CHCHD6: variants seen among roughly 807,000 people sequenced by gnomAD.
CHCHD6 encodes coiled-coil-helix-coiled-coil-helix domain containing 6, also known as MICOS complex subunit MIC25.
Under a neutral mutation model 32.3 loss-of-function variants are expected in CHCHD6, and 28 were observed. That is an observed-to-expected ratio of 0.87 (90% CI 0.64 to 1.19). The LOEUF (loss-of-function observed/expected upper bound fraction) is 1.19, where lower values mean the gene tolerates loss of function less well. Among genes scored for constraint, CHCHD6 ranks in the 50% most tolerant of loss-of-function variants. CHCHD6 has a pLI of 0.00. For synonymous variants in CHCHD6, 122 were observed against 117.5 expected (o/e 1.04, Z -0.25); for missense variants, 333 against 307.0 (o/e 1.08, Z -0.63).
chr3:126,925,351 G>C (rs772277852), intron 6 of CHCHD6, among the ~76,000 whole-genome samples: 20 of 152,312 alleles, frequency 1.3e-4, no homozygotes, highest in Admixed American at 5.2e-4. Context: ...CTCTGAGAAG[G>C]AAACATTGTC....
At chr3:126,933,173 CT>C (rs1240486182) in intron 6 of CHCHD6, among the ~76,000 whole-genome samples, 2 of 152,264 alleles carry the variant, frequency 1.3e-5, no homozygotes, top group Non-Finnish European at 2.9e-5. Context: ...AATGGAAGCC[CT>C]ACCTGCTTCC....
chr3:126,851,000 G>A (rs1941455691), intron 4 of CHCHD6, among the ~76,000 whole-genome samples: 1 of 152,170 alleles, frequency 6.6e-6, no homozygotes, highest in African/African-American at 2.4e-5. Context: ...CAGCTGCCTG[G>A]GGATCCAGGT....
At chr3:126,939,921 G>C (rs924098581) in intron 6 of CHCHD6, among the ~76,000 whole-genome samples, 1 of 152,154 alleles carries the variant, frequency 6.6e-6, no homozygotes, top group African/African-American at 2.4e-5. Flanking sequence ...GATGACGTGT[G>C]TGTGCATATA....
intron 4 of CHCHD6, among the ~76,000 whole-genome samples, chr3:126,792,253 A>G (rs547631319): frequency 2.6e-4 from 38 of 145,866 alleles, no homozygotes; most frequent in South Asian, 6.4e-4. Flanking sequence ...TATAGAATAT[A>G]TATTCTAATA....
At chr3:126,959,336 T>TG (rs2078829200) in intron 7 of CHCHD6, among the ~76,000 whole-genome samples, 1 of 152,238 alleles carries the variant, frequency 6.6e-6, no homozygotes, top group Admixed American at 6.5e-5. Context: ...CGTGCTGCCT[T>TG]GGCAGTGTGT....
At chr3:126,756,152 G>T (rs1488376156) in intron 4 of CHCHD6, among the ~76,000 whole-genome samples, 1 of 152,034 alleles carries the variant, frequency 6.6e-6, no homozygotes, top group East Asian at 1.9e-4. Flanking sequence ...CACTGTGGTC[G>T]TGATTCTTCA....
chr3:126,826,035 T>C (rs531489344), intron 4 of CHCHD6, among the ~76,000 whole-genome samples: 1 of 152,350 alleles, frequency 6.6e-6, no homozygotes, highest in East Asian at 1.9e-4. Context: ...TAGATTTTGG[T>C]AGACCTGCTA....
chr3:126,838,571 C>T (rs1381734949), intron 4 of CHCHD6, among the ~76,000 whole-genome samples: 2 of 152,188 alleles, frequency 1.3e-5, no homozygotes, highest in East Asian at 1.9e-4. Flanking sequence ...ATTGTGCCAA[C>T]CTCATGGAAT....
intron 6 of CHCHD6, among the ~76,000 whole-genome samples, chr3:126,918,482 CAATGTTTT>C (rs1420446485): frequency 6.6e-6 from 1 of 152,164 alleles, no homozygotes; most frequent in Non-Finnish European, 1.5e-5. Flanking sequence ...GAATGACAAA[CAATGTTTT>C]AAAATTAATT....
chr3:126,774,030 A>G (rs897518328), intron 4 of CHCHD6, among the ~76,000 whole-genome samples: 9 of 152,122 alleles, frequency 5.9e-5, no homozygotes, highest in Non-Finnish European at 7.4e-5. Flanking sequence ...TGATGATTTT[A>G]TATTTCTGTA....
chr3:126,824,391 G>A (rs1027397300), intron 4 of CHCHD6, among the ~76,000 whole-genome samples: 5 of 150,340 alleles, frequency 3.3e-5, no homozygotes, highest in South Asian at 2.1e-4. Context: ...GAGAAGCCCC[G>A]TCTCTGCTAA....
intron 6 of CHCHD6, among the ~76,000 whole-genome samples, chr3:126,956,155 A>G (rs1258274632): frequency 1.3e-5 from 2 of 152,158 alleles, no homozygotes; most frequent in African/African-American, 4.8e-5. Flanking sequence ...CTCTCTCTCC[A>G]CGTACCTGGA....
At chr3:126,736,855 A>G (rs1212428917) in intron 4 of CHCHD6, among the ~76,000 whole-genome samples, 2 of 152,194 alleles carry the variant, frequency 1.3e-5, no homozygotes, top group Non-Finnish European at 2.9e-5. Context: ...AAAAAGAACA[A>G]TGCTGTTGAT....
intron 4 of CHCHD6, among the ~76,000 whole-genome samples, chr3:126,835,338 AG>A (rs1300936821): frequency 6.6e-6 from 1 of 152,212 alleles, no homozygotes; most frequent in Admixed American, 6.5e-5. Flanking sequence ...TTACGGGCTG[AG>A]GGTGTGACAG....
rs540924739 is a variant in CHCHD6, at chr3:126,883,518, C to G, written c.495+30788C>G. 2.6e-5 allele frequency among the ~76,000 whole-genome samples: 4 copies of G among 152,308 alleles called. No individual in the cohort carries two copies. In the South Asian group the frequency reaches 6.2e-4, roughly 24 times the overall value. The stretch of plus-strand genomic sequence containing the variant: ...GAGTCACAGAAGTCTTCTGTGTCAA[C>G]TGCTGTGTGGTGTGATGGCAGAAGA... On this transcript the variant is annotated intron_variant, in intron 5 of 7. Coordinates refer to ENST00000290913, the MANE Select transcript of CHCHD6 (RefSeq NM_032343.3).
At chr3:126,858,973 C>T (rs1043251170) in intron 5 of CHCHD6, among the ~76,000 whole-genome samples, 1 of 152,236 alleles carries the variant, frequency 6.6e-6, no homozygotes, top group African/African-American at 2.4e-5. Flanking sequence ...GAGCCCTGTG[C>T]ATATTCTAGC....
intron 5 of CHCHD6, among the ~76,000 whole-genome samples, chr3:126,864,411 CCT>C (rs1411724956): frequency 6.7e-6 from 1 of 148,704 alleles, no homozygotes; most frequent in Non-Finnish European, 1.5e-5. Flanking sequence ...TCCTCCTCCT[CCT>C]CTTCCTGCTC....
At chr3:126,755,481 C>T (rs1936917669) in intron 4 of CHCHD6, among the ~76,000 whole-genome samples, 1 of 152,152 alleles carries the variant, frequency 6.6e-6, no homozygotes, top group Non-Finnish European at 1.5e-5. Flanking sequence ...GAAGTGTCTT[C>T]CACACTGTTT....
chr3:126,716,855 A>C (rs1183440319), intron 1 of CHCHD6, among the ~76,000 whole-genome samples: 1 of 152,068 alleles, frequency 6.6e-6, no homozygotes, highest in Non-Finnish European at 1.5e-5. Context: ...GAGTCGGGGA[A>C]ATGCGTGCAG....
Sources: gnomAD v4.1 joint callset for allele counts (sites outside exome capture counted in the v4.1 genomes callset) on GRCh38, gnomAD v4.1.1 for gene constraint, MANE v1.5 for transcripts, NCBI Gene and HGNC (gene_info 2026-07-23, HGNC 2026-07-21) for gene names.